The following DLC1 variants were observed in gnomAD, a reference collection of about 807,000 sequenced individuals.
DLC1 encodes the protein rho GTPase-activating protein 7.
A neutral mutation model predicts 140.3 loss-of-function variants in DLC1; 54 were observed. The ratio of observed to expected loss-of-function variants is 0.38; its 90% CI spans 0.31 to 0.48. The LOEUF (loss-of-function observed/expected upper bound fraction) is 0.48, where lower values mean the gene tolerates loss of function less well. Ranked by LOEUF, DLC1 falls within the 20% of genes least tolerant of loss-of-function variation. The pLI is 0.96. For synonymous variants in DLC1, 986 were observed against 728.1 expected, an observed-to-expected ratio of 1.35 and a Z score of -5.70; for missense variants, 2,536 against 1,907.0, an observed-to-expected ratio of 1.33 and a Z score of -6.14.
At chr8:13,522,646 A>C (rs1802800823) in intron 1 of DLC1, among the ~76,000 whole-genome samples, 1 of 151,946 alleles carries the variant, frequency 6.6e-6, no homozygotes, top group Non-Finnish European at 1.5e-5. Flanking sequence ...AAATAAACAA[A>C]TAAATAAATA....
intron 4 of DLC1, among the ~76,000 whole-genome samples, chr8:13,370,828 T>A (rs1380902553): frequency 2.0e-5 from 3 of 152,182 alleles, no homozygotes; most frequent in Non-Finnish European, 4.4e-5. Context: ...TCACGCAGTT[T>A]CTGGTGTTCA....
chr8:13,162,457 G>C (rs1045751643), intron 5 of DLC1, among the ~76,000 whole-genome samples: 1 of 152,064 alleles, frequency 6.6e-6, no homozygotes, highest in African/African-American at 2.4e-5. Context: ...TGAGTAGCTG[G>C]GATTACAGGT....
At chr8:13,206,467 C>T (rs1024522339) in intron 5 of DLC1, among the ~76,000 whole-genome samples, 1 of 152,054 alleles carries the variant, frequency 6.6e-6, no homozygotes, top group Non-Finnish European at 1.5e-5. Flanking sequence ...TGAACGATTA[C>T]CTTCCCCCTT....
At chr8:13,158,059 C>A (rs1216301628) in intron 5 of DLC1, among the ~76,000 whole-genome samples, 2 of 152,110 alleles carry the variant, frequency 1.3e-5, no homozygotes, top group South Asian at 4.1e-4. Context: ...GTTTTAAAGC[C>A]TTCAGATATT....
chr8:13,098,289 A>C, intron 10 of DLC1, 110 bp downstream of exon 10: 3 of 1,330,402 alleles, frequency 2.3e-6, no homozygotes, highest in Non-Finnish European at 3.1e-6. Flanking sequence ...TGACAGATGA[A>C]ATATATTAAT....
chr8:13,431,254 C>A (rs546243916), intron 2 of DLC1, among the ~76,000 whole-genome samples: 7 of 151,918 alleles, frequency 4.6e-5, no homozygotes, highest in Non-Finnish European at 8.8e-5. Context: ...AGGGCTGAGG[C>A]GGGCGGATCA....
At chr8:13,488,629 T>G (rs1437701582) in intron 2 of DLC1, among the ~76,000 whole-genome samples, 1 of 152,240 alleles carries the variant, frequency 6.6e-6, no homozygotes, top group African/African-American at 2.4e-5. Context: ...AAGACTTTTC[T>G]GACCTCCCCA....
Position 13,499,949 on chromosome 8 carries a change from C to G in DLC1, c.123G>C (p.Gln41His), listed in dbSNP as rs1402413240. The G allele has an allele frequency of 1.9e-6, 3 of 1,613,990 alleles. No homozygotes were observed. Among genetic ancestry groups the G allele is most frequent in the Non-Finnish European group, 2.5e-6 (3 of 1,180,010 alleles). ...GAGTTGCATCTTTTTCCATACTTGC[C>G]TGCAAGCTGTCAGCTACTAGTCCAT... Reference protein sequence around the residue: ...CHHGLVADSLQASMEKDATLN... With the variant: ...CHHGLVADSLHASMEKDATLN... Residue 41 changes from glutamine to histidine, a missense_variant, in exon 2 of 18, where the codon CAG (glutamine) becomes CAC (histidine). Coordinates refer to ENST00000276297, the MANE Select transcript of DLC1 (RefSeq NM_182643.3).
chr8:13,131,504 C>T (rs1029803412), intron 5 of DLC1, among the ~76,000 whole-genome samples: 2 of 152,166 alleles, frequency 1.3e-5, no homozygotes, highest in South Asian at 2.1e-4. Flanking sequence ...AATCCATTTG[C>T]TCATCCATAT....
At chr8:13,537,486 G>A (rs926746132) in intron 1 of DLC1, among the ~76,000 whole-genome samples, 4 of 152,020 alleles carry the variant, frequency 2.6e-5, no homozygotes, top group Non-Finnish European at 5.9e-5. Flanking sequence ...TTTATGCTAT[G>A]AATCAATCTC....
At chr8:13,261,622 G>A (rs1830473195) in intron 5 of DLC1, among the ~76,000 whole-genome samples, 1 of 152,168 alleles carries the variant, frequency 6.6e-6, no homozygotes, top group African/African-American at 2.4e-5. Context: ...CCGTGTCTTG[G>A]CCCAGGGTGG....
chr8:13,415,683 G>A (rs1366942538), intron 2 of DLC1, among the ~76,000 whole-genome samples: 1 of 152,156 alleles, frequency 6.6e-6, no homozygotes, highest in Admixed American at 6.5e-5. Context: ...ACAGGCATGA[G>A]CCACTGCAAC....
At chr8:13,304,596 A>G in intron 5 of DLC1, 1 of 772,290 alleles carries the variant, frequency 1.3e-6, no homozygotes. Context: ...TCTACAAACT[A>G]AGTGATGTAC....
At chr8:13,587,604 TATA>T (rs1563459750) in intron 1 of DLC1, among the ~76,000 whole-genome samples, 2 of 9,130 alleles carry the variant, frequency 2.2e-4, no homozygotes, top group Non-Finnish European at 5.2e-4. Flanking sequence ...ATACATTGCA[TATA>T]TATATATATA....
intron 4 of DLC1, among the ~76,000 whole-genome samples, chr8:13,324,693 T>C (rs1833267705): frequency 6.6e-6 from 1 of 152,210 alleles, no homozygotes; most frequent in South Asian, 2.1e-4. Context: ...ATAAACCATG[T>C]ACTTTTACTT....
rs1409156626 is a variant in DLC1, at chr8:13,499,981, A to G, written c.91T>C (p.Cys31Arg). 1 of 1,614,120 alleles carries G rather than the reference A, an allele frequency of 6.2e-7. No homozygotes were observed. ...CTGTCAGCTACTAGTCCATGATGAC[A>G]TGCTGTGTTACGATCATCAGAATTA... is the stretch of plus-strand genomic sequence containing the variant. ...PFNSDDRNTA[C>R]HHGLVADSLQ... The change falls in exon 2 of 18, where the codon TGT becomes CGT. Residue 31 changes from cysteine (C) to arginine (R), a missense_variant. Coordinates refer to ENST00000276297, the MANE Select transcript of DLC1 (RefSeq NM_182643.3).
chr8:13,580,931 C>T (rs1193644068), intron 1 of DLC1, among the ~76,000 whole-genome samples: 1 of 152,170 alleles, frequency 6.6e-6, no homozygotes, highest in Non-Finnish European at 1.5e-5. Flanking sequence ...CCAGCATGAA[C>T]TGAGTCTTGC....
rs139778805 is a variant in DLC1 at position 13,100,341 on chromosome 8, T to C, written c.1996A>G (p.Ser666Gly). Residue 666 changes from serine to glycine, a missense_variant, in exon 9 of 18, where the codon AGT (serine) becomes GGT (glycine). Coordinates refer to ENST00000276297, the MANE Select transcript of DLC1 (RefSeq NM_182643.3). ...HEKTAKSKTR[S>G]LLKRMESLKL... ...AGGCTCTCCATCCGTTTCAGCAGAC[T>C]GCGCGTCTTGGACTTGGCAGTTTTT... is the stretch of plus-strand genomic sequence containing the variant. The C allele has an allele frequency of 1.1e-5, 18 of 1,614,124 alleles. No homozygotes were observed. Among genetic ancestry groups the C allele is most frequent in the Non-Finnish European group, 1.4e-5 (17 of 1,180,058 alleles).
At chr8:13,501,228 A>C (rs572470049) in intron 1 of DLC1, among the ~76,000 whole-genome samples, 1 of 152,354 alleles carries the variant, frequency 6.6e-6, no homozygotes, top group South Asian at 2.1e-4. Context: ...ATAAAATTTA[A>C]GTAAACAAGA....
Sources: allele counts gnomAD v4.1 joint callset (sites outside exome capture counted in the v4.1 genomes callset), GRCh38; gene constraint gnomAD v4.1.1; transcripts MANE v1.5; gene names NCBI Gene and HGNC (gene_info 2026-07-23, HGNC 2026-07-21).